The following GABRG1 variants were observed in gnomAD, a reference collection of about 807,000 sequenced individuals.
The protein encoded by GABRG1 is gamma-aminobutyric acid receptor subunit gamma-1.
GABRG1 carries 49 observed loss-of-function variants against 49.8 expected under a neutral mutation model. That is an observed-to-expected ratio of 0.98 (90% CI 0.78 to 1.25). The LOEUF (loss-of-function observed/expected upper bound fraction) is 1.25. Among genes scored for constraint, GABRG1 ranks in the 50% most tolerant of loss-of-function variants. The pLI is 0.00. For synonymous variants in GABRG1, 232 were observed against 185.1 expected (o/e 1.25, Z -2.06); for missense variants, 552 against 552.3 (o/e 1.00, Z 0.01).
chr4:46,043,148 C>T (rs1163667620), intron 8 of GABRG1, among the ~76,000 whole-genome samples: 1 of 151,890 alleles, frequency 6.6e-6, no homozygotes, highest in Admixed American at 6.6e-5. Flanking sequence ...GTAGAAAACA[C>T]ATTCCATATA....
intron 2 of GABRG1, among the ~76,000 whole-genome samples, chr4:46,095,176 T>C (rs1298879278): frequency 2.6e-5 from 4 of 151,682 alleles, no homozygotes; most frequent in East Asian, 2.0e-4. Context: ...AGTTTAATAA[T>C]AGGCAGGAAA....
rs1717718520 is a variant in GABRG1 at position 46,040,311 on chromosome 4, T to A, written c.*677A>T. 6.6e-6 allele frequency: 1 copy of A among 152,164 alleles called. No individual in the cohort carries two copies. The allele number at this position is 152,164 out of a possible 1,614,324, so 9.4% of individuals were successfully genotyped here. ...TCTTAAAAAATGACTGGTGGCTTCA[T>A]TCCAAGTTTGCAAATCACCAAAGTA... is the stretch of plus-strand genomic sequence containing the variant. On this transcript the variant is annotated 3_prime_UTR_variant, in exon 9 of 9. Transcript: ENST00000295452.
intron 3 of GABRG1, among the ~76,000 whole-genome samples, chr4:46,077,657 T>C (rs1326659952): frequency 3.3e-5 from 5 of 151,966 alleles, no homozygotes; most frequent in Admixed American, 2.0e-4. Context: ...CTCAGTCTAA[T>C]TTGCATTTTT....
At chr4:46,118,200 T>C (rs553041965) in intron 1 of GABRG1, among the ~76,000 whole-genome samples, 1 of 147,706 alleles carries the variant, frequency 6.8e-6, no homozygotes, top group Non-Finnish European at 1.5e-5. Flanking sequence ...ACAGAACATA[T>C]AGCCTACCCT....
rs1717739292 is a variant in GABRG1, at chr4:46,040,761, TGTGA to T, written c.*223_*226del. ...ATTAAAGAAAATTTAAGTAAAAATATGTGAGTATTTTAACCTACTGGATTTTGCA... is the reference window on the plus strand; with the variant it reads ...ATTAAAGAAAATTTAAGTAAAAATATGTATTTTAACCTACTGGATTTTGCA... On this transcript the variant is annotated 3_prime_UTR_variant, in exon 9 of 9. Coordinates refer to ENST00000295452, the MANE Select transcript of GABRG1 (RefSeq NM_173536.4). The T allele has an allele frequency of 2.8e-6, 1 of 353,772 alleles. No homozygotes were observed. Among genetic ancestry groups the T allele is most frequent in the African/African-American group, 2.1e-5 (1 of 47,572 alleles). 21.9% of individuals were successfully genotyped at this position (353,772 alleles called of 1,614,324 possible). A position where few individuals can be genotyped will look rare whatever the true frequency, so the allele number is the denominator to read the frequency against.
rs187802282 is a variant in GABRG1 at position 46,110,967 on chromosome 4, C to T, written c.104+12843G>A. 2.7e-3 allele frequency among the ~76,000 whole-genome samples: 401 copies of T among 151,218 alleles called. 1 individual carries two copies. The highest frequency in any genetic ancestry group is 9.0e-3 in the African/African-American group (371 of 41,410). ...ACAAGGATGGCCACTCCTACCACTC[C>T]TATTCAACGTAAGACTAGAAATGCT... is the stretch of plus-strand genomic sequence containing the variant. On this transcript the variant is annotated intron_variant, in intron 1 of 8. Transcript: ENST00000295452.
chr4:46,062,731 C>T (rs1406024037), intron 5 of GABRG1, among the ~76,000 whole-genome samples: 1 of 152,028 alleles, frequency 6.6e-6, no homozygotes, highest in African/African-American at 2.4e-5. Context: ...TCAAATTGTC[C>T]CTGTTTGCAG....
chr4:46,100,712 A>AG lies in GABRG1; in HGVS notation c.105-3364_105-3363insC, dbSNP rs565926085. On this transcript the variant is annotated intron_variant, in intron 1 of 8. Transcript: ENST00000295452. ...CAATCAAATGGAAGATTTTAGAAAA[A>AG]AAAAAAAAAAGCTTTTTCTGTTTTT... Among the ~76,000 whole-genome samples, 21 of 146,648 alleles carry AG rather than the reference A, an allele frequency of 1.4e-4. No homozygotes were observed. The East Asian group carries it at 4.0e-3, about 28-fold the overall frequency.
chr4:46,120,165 T>G (rs1721052655), intron 1 of GABRG1, among the ~76,000 whole-genome samples: 1 of 151,732 alleles, frequency 6.6e-6, no homozygotes, highest in Non-Finnish European at 1.5e-5. Flanking sequence ...GATTCTCACT[T>G]GAAAGCCTGC....
At chr4:46,059,882 A>G (rs1417997677) in intron 5 of GABRG1, among the ~76,000 whole-genome samples, 1 of 152,090 alleles carries the variant, frequency 6.6e-6, no homozygotes, top group Non-Finnish European at 1.5e-5. Flanking sequence ...TGTTTATTAG[A>G]ATTTTGGATT....
chr4:46,094,612 C>T (rs1000751578), intron 2 of GABRG1, among the ~76,000 whole-genome samples: 6 of 151,832 alleles, frequency 4.0e-5, no homozygotes, highest in Non-Finnish European at 8.8e-5. Flanking sequence ...AAAACAAAAA[C>T]AGAAGTGAGG....
At chr4:46,058,647 A>T (rs772357681) in intron 5 of GABRG1, 25 bp from the exon 6 acceptor site, 1 of 1,582,116 alleles carries the variant, frequency 6.3e-7, no homozygotes, top group East Asian at 2.2e-5. Flanking sequence ...TACATAGATT[A>T]GCAAGATCCA....
At chr4:46,048,005 A>T (rs892043967) in intron 8 of GABRG1, among the ~76,000 whole-genome samples, 12 of 152,150 alleles carry the variant, frequency 7.9e-5, no homozygotes, top group Admixed American at 2.6e-4. Flanking sequence ...TTCAATCCTC[A>T]AATGGCTATA....
chr4:46,088,839 G>GTC (rs1719881226), intron 2 of GABRG1, among the ~76,000 whole-genome samples: 1 of 151,052 alleles, frequency 6.6e-6, no homozygotes, highest in African/African-American at 2.4e-5. Flanking sequence ...GTGTGTGTGT[G>GTC]TGTGTATTCC....
intron 3 of GABRG1, among the ~76,000 whole-genome samples, chr4:46,065,849 A>T (rs1233165162): frequency 6.6e-6 from 1 of 151,956 alleles, no homozygotes; most frequent in Non-Finnish European, 1.5e-5. Flanking sequence ...CAGCCTCCGG[A>T]GGAGCTGGGA....
intron 1 of GABRG1, among the ~76,000 whole-genome samples, chr4:46,108,738 G>A (rs937517305): frequency 2.7e-5 from 4 of 150,820 alleles, no homozygotes; most frequent in African/African-American, 9.7e-5. Flanking sequence ...GATTTTATAA[G>A]GTAGGCATTT....
intron 8 of GABRG1, 121 bp downstream of exon 8, chr4:46,051,303 C>G: frequency 1.4e-6 from 1 of 715,378 alleles, no homozygotes; most frequent in South Asian, 2.0e-5. Context: ...TTCATCTTAA[C>G]TTTGTCTTTG....
chr4:46,039,799 T>C lies in GABRG1; in HGVS notation c.*1189A>G, dbSNP rs1266140481. 1 of 151,622 alleles carries C rather than the reference T, an allele frequency of 6.6e-6. No homozygotes were observed. The highest frequency in any genetic ancestry group is 2.4e-5 in the African/African-American group (1 of 41,372). The allele number at this position is 151,622 out of a possible 1,614,324, so 9.4% of individuals were successfully genotyped here. A position where few individuals can be genotyped will look rare whatever the true frequency, so the allele number is the denominator to read the frequency against. ...CACTCACATTCATGTTCATTAAAGA[T>C]GCCTCTAACAAAACTCCCTCTTTAA... On this transcript the variant is annotated 3_prime_UTR_variant, in exon 9 of 9. Transcript: ENST00000295452.
intron 3 of GABRG1, among the ~76,000 whole-genome samples, chr4:46,079,228 C>T (rs897753891): frequency 2.6e-5 from 4 of 151,866 alleles, no homozygotes; most frequent in African/African-American, 9.7e-5. Context: ...GCCTACTGCT[C>T]ACCCCTTTGT....
Sources: allele counts gnomAD v4.1 joint callset (sites outside exome capture counted in the v4.1 genomes callset), GRCh38; gene constraint gnomAD v4.1.1; transcripts MANE v1.5; gene names NCBI Gene and HGNC (gene_info 2026-07-23, HGNC 2026-07-21).